The following PCCA variants were observed in gnomAD, a reference collection of about 807,000 sequenced individuals.
The protein encoded by PCCA is propionyl-CoA carboxylase subunit alpha.
PCCA carries 74 observed loss-of-function variants against 101.3 expected under a neutral mutation model. The observed-to-expected ratio is 0.73, with a 90% CI of 0.61 to 0.89. The LOEUF (loss-of-function observed/expected upper bound fraction) is 0.89, where lower values mean the gene tolerates loss of function less well. PCCA is among the 40% of genes least tolerant of loss of function. The pLI, the probability that PCCA is intolerant of heterozygous loss-of-function variation, is 0.00. For missense variants in PCCA, 891 were observed against 907.0 expected, an observed-to-expected ratio of 0.98 and a Z score of 0.23; for synonymous variants, 294 against 313.6, an observed-to-expected ratio of 0.94 and a Z score of 0.66.
intron 19 of PCCA, among the ~76,000 whole-genome samples, chr13:100,373,861 C>T (rs897399025): frequency 1.3e-5 from 2 of 151,970 alleles, no homozygotes; most frequent in Non-Finnish European, 2.9e-5. Flanking sequence ...CCTGTAATCC[C>T]AGCACTTTGG....
At chr13:100,515,984 G>A (rs1214743950) in intron 22 of PCCA, among the ~76,000 whole-genome samples, 1 of 152,250 alleles carries the variant, frequency 6.6e-6, no homozygotes, top group Non-Finnish European at 1.5e-5. Flanking sequence ...AAGAAGAGTT[G>A]AGGAAAGGTT....
chr13:100,110,294 T>C (rs1288826987), intron 2 of PCCA, among the ~76,000 whole-genome samples: 1 of 152,232 alleles, frequency 6.6e-6, no homozygotes, highest in Admixed American at 6.5e-5. Context: ...TACCGTGTGC[T>C]AATGTGTATT....
intron 6 of PCCA, among the ~76,000 whole-genome samples, chr13:100,169,425 A>G (rs1403969155): frequency 1.6e-5 from 2 of 126,214 alleles, no homozygotes; most frequent in Admixed American, 8.5e-5. Flanking sequence ...TGGGCGACAG[A>G]GCGAGACTGT....
At chr13:100,416,604 C>G (rs1297197234) in intron 19 of PCCA, among the ~76,000 whole-genome samples, 1 of 151,824 alleles carries the variant, frequency 6.6e-6, no homozygotes, top group Non-Finnish European at 1.5e-5. Context: ...ACGATCTCAG[C>G]TCACTGCAAC....
At chr13:100,128,657 C>G (rs1357883223) in intron 4 of PCCA, among the ~76,000 whole-genome samples, 1 of 152,164 alleles carries the variant, frequency 6.6e-6, no homozygotes, top group East Asian at 1.9e-4. Flanking sequence ...CAGTACTCTA[C>G]TATAGAGTTC....
intron 21 of PCCA, among the ~76,000 whole-genome samples, chr13:100,469,211 C>CA (rs534361898): frequency 0.011 from 735 of 65,022 alleles, 40 homozygotes; most frequent in African/African-American, 0.031. Context: ...AACTCCGTCT[C>CA]AAAAAAAAAA....
chr13:100,474,854 A>G (rs1332374533), intron 21 of PCCA, among the ~76,000 whole-genome samples: 2 of 152,164 alleles, frequency 1.3e-5, no homozygotes, highest in Non-Finnish European at 2.9e-5. Flanking sequence ...TCTGCCTCTA[A>G]GGACTTTTGT....
chr13:100,340,347 T>G (rs1424100831), intron 18 of PCCA, 88 bp downstream of exon 18: 4 of 771,986 alleles, frequency 5.2e-6, no homozygotes, highest in Non-Finnish European at 9.3e-6. Context: ...AAGATGTGGC[T>G]GATCTCAGTT....
intron 19 of PCCA, among the ~76,000 whole-genome samples, chr13:100,380,020 C>G (rs967317913): frequency 2.0e-5 from 3 of 151,700 alleles, no homozygotes; most frequent in African/African-American, 7.3e-5. Context: ...CCAGAATAGC[C>G]AAAGTAATCT....
chr13:100,331,111 AGAT>A (rs2069495013), intron 17 of PCCA, among the ~76,000 whole-genome samples: 5 of 152,236 alleles, frequency 3.3e-5, no homozygotes, highest in Admixed American at 3.3e-4. Flanking sequence ...AAATCTAGGA[AGAT>A]GATGATTTTA....
At chr13:100,422,065 T>TC (rs1159784692) in intron 19 of PCCA, among the ~76,000 whole-genome samples, 16 of 59,408 alleles carry the variant, frequency 2.7e-4, no homozygotes, top group South Asian at 6.6e-4. Flanking sequence ...TTCTCTTCTC[T>TC]TTTCTTTTCT....
At chr13:100,135,342 G>C (rs933845008) in intron 4 of PCCA, among the ~76,000 whole-genome samples, 3 of 152,060 alleles carry the variant, frequency 2.0e-5, no homozygotes, top group Non-Finnish European at 4.4e-5. Flanking sequence ...AATGAGTTAT[G>C]ATCACAACAC....
intron 7 of PCCA, among the ~76,000 whole-genome samples, chr13:100,211,713 C>G (rs896072189): frequency 5.9e-5 from 9 of 151,972 alleles, no homozygotes; most frequent in African/African-American, 1.9e-4. Flanking sequence ...TTCATGGCGT[C>G]AATTGCCACC....
intron 19 of PCCA, among the ~76,000 whole-genome samples, chr13:100,374,480 T>C (rs1226272942): frequency 3.9e-5 from 6 of 152,300 alleles, no homozygotes; most frequent in Admixed American, 2.6e-4. Context: ...AAATAGTTTT[T>C]GGCCAGGTAC....
intron 16 of PCCA, among the ~76,000 whole-genome samples, chr13:100,318,268 C>T (rs752000011): frequency 8.5e-5 from 13 of 152,178 alleles, no homozygotes; most frequent in Admixed American, 3.3e-4. Flanking sequence ...GTTTTCCTTT[C>T]ATTCCTCTCC....
intron 4 of PCCA, among the ~76,000 whole-genome samples, chr13:100,118,656 CT>C (rs1224269643): frequency 6.6e-6 from 1 of 151,956 alleles, no homozygotes; most frequent in Non-Finnish European, 1.5e-5. Context: ...ACAAGCGATC[CT>C]CCCACCTTAG....
At chr13:100,143,228 T>A (rs890722048) in intron 4 of PCCA, among the ~76,000 whole-genome samples, 5 of 152,140 alleles carry the variant, frequency 3.3e-5, no homozygotes, top group African/African-American at 1.2e-4. Flanking sequence ...GGTCTTTAAC[T>A]ATTGAGTTAA....
At chr13:100,469,984 G>A (rs748147313) in intron 21 of PCCA, among the ~76,000 whole-genome samples, 2 of 152,152 alleles carry the variant, frequency 1.3e-5, no homozygotes, top group Non-Finnish European at 2.9e-5. Context: ...ATTTTGAAAC[G>A]TGGTCAAGGT....
intron 1 of PCCA, among the ~76,000 whole-genome samples, chr13:100,099,407 TC>T (rs2047071535): frequency 6.8e-6 from 1 of 146,686 alleles, no homozygotes; most frequent in Non-Finnish European, 1.5e-5. Flanking sequence ...AACCTCTGCC[TC>T]CCGGGTTCAC....
Sources: gnomAD v4.1 joint callset for allele counts (sites outside exome capture counted in the v4.1 genomes callset) on GRCh38, gnomAD v4.1.1 for gene constraint, MANE v1.5 for transcripts, NCBI Gene and HGNC (gene_info 2026-07-23, HGNC 2026-07-21) for gene names.